SCN9A: variants seen among roughly 807,000 people sequenced by gnomAD.
SCN9A encodes the protein sodium voltage-gated channel alpha subunit 9, also known as sodium channel protein type 9 subunit alpha.
Under a neutral mutation model 187.0 loss-of-function variants are expected in SCN9A, and 131 were observed. The observed-to-expected ratio is 0.70, with a 90% confidence interval of 0.61 to 0.81. The LOEUF (loss-of-function observed/expected upper bound fraction) is 0.81, where lower values mean the gene tolerates loss of function less well. Among genes scored for constraint, SCN9A ranks in the 30% least tolerant of loss-of-function variants. The pLI, the probability that SCN9A is intolerant of heterozygous loss-of-function variation, is 0.00. For synonymous variants in SCN9A, 809 were observed against 808.6 expected (o/e 1.00, Z -0.01); for missense variants, 2,252 against 2,396.6 (o/e 0.94, Z 1.26).
At chr2:166,284,428 C>A (rs1379782334) in intron 12 of SCN9A, 25 bp downstream of exon 12, 19 of 1,578,948 alleles carry the variant, frequency 1.2e-5, no homozygotes, top group Non-Finnish European at 1.5e-5. Flanking sequence ...CCCAGCCATG[C>A]CTGAGCTATG....
At chr2:166,349,697 G>A (rs959713643) in intron 1 of SCN9A, among the ~76,000 whole-genome samples, 7 of 152,152 alleles carry the variant, frequency 4.6e-5, no homozygotes, top group African/African-American at 1.2e-4. Flanking sequence ...CTCAGACCGG[G>A]CATGGTGGCT....
intron 7 of SCN9A, among the ~76,000 whole-genome samples, chr2:166,296,855 T>C (rs113994939): frequency 2.3e-3 from 350 of 152,138 alleles, no homozygotes; most frequent in African/African-American, 8.1e-3. Flanking sequence ...CAAAGAAAAA[T>C]GAAATATTGC....
At chr2:166,247,418 T>C (rs1294455185) in intron 18 of SCN9A, among the ~76,000 whole-genome samples, 1 of 152,164 alleles carries the variant, frequency 6.6e-6, no homozygotes, top group Non-Finnish European at 1.5e-5. Flanking sequence ...TTAGAATTAA[T>C]TATTAGTTAT....
chr2:166,226,582 GT>G lies in SCN9A; in HGVS notation c.4382del (p.Asn1461ThrfsTer14). On this transcript the variant is annotated frameshift_variant, in exon 24 of 27. Coordinates refer to ENST00000642356, the MANE Select transcript of SCN9A (RefSeq NM_001365536.1). LOFTEE classifies it high-confidence loss of function. ...AAATACTTATCTTCTTTTTCTGTTG[GT>G]TGAAATTATCTATGATGACACCAAT... ...LFIGVIIDNF[N>X]QQKKKLGGQD... 1 of 1,547,734 alleles carries G rather than the reference GT, an allele frequency of 6.5e-7. No homozygotes were observed. Among genetic ancestry groups the G allele is most frequent in the Non-Finnish European group, 8.8e-7 (1 of 1,142,180 alleles).
chr2:166,310,417 C>G (rs1339949219), intron 2 of SCN9A, among the ~76,000 whole-genome samples: 2 of 82,108 alleles, frequency 2.4e-5, no homozygotes, highest in Admixed American at 2.1e-4. Context: ...AAAAAACAAA[C>G]AACCCCATCA....
intron 2 of SCN9A, among the ~76,000 whole-genome samples, chr2:166,308,503 C>T (rs1002129669): frequency 6.6e-6 from 1 of 152,154 alleles, no homozygotes; most frequent in South Asian, 2.1e-4. Flanking sequence ...CCTTGCTTCC[C>T]CTTTGCCTTC....
chr2:166,270,738 C>T (rs149560370), intron 17 of SCN9A, among the ~76,000 whole-genome samples: 2,048 of 147,898 alleles, frequency 0.014, 20 homozygotes, highest in Non-Finnish European at 0.019. Flanking sequence ...GATTCTCATG[C>T]CTCAGCCTCC....
chr2:166,352,780 C>T (rs1039520308), intron 1 of SCN9A, among the ~76,000 whole-genome samples: 3 of 152,160 alleles, frequency 2.0e-5, no homozygotes, highest in Non-Finnish European at 2.9e-5. Flanking sequence ...AATTCCAAAT[C>T]AGAGCCTATT....
chr2:166,224,020 T>C (rs1694740027), intron 24 of SCN9A, among the ~76,000 whole-genome samples: 1 of 152,184 alleles, frequency 6.6e-6, no homozygotes, highest in Admixed American at 6.5e-5. Flanking sequence ...TCAGTAACTG[T>C]TTCCTGACTT....
intron 16 of SCN9A, among the ~76,000 whole-genome samples, chr2:166,275,812 G>C (rs1658158874): frequency 6.6e-6 from 1 of 152,202 alleles, no homozygotes; most frequent in Non-Finnish European, 1.5e-5. Context: ...AATTTGTGCT[G>C]CATAAATGCC....
intron 17 of SCN9A, among the ~76,000 whole-genome samples, chr2:166,269,587 C>G (rs545568625): frequency 6.6e-6 from 1 of 152,146 alleles, no homozygotes; most frequent in South Asian, 2.1e-4. Context: ...AGCTTTATAA[C>G]TGTGAATAAA....
At chr2:166,204,295 T>C (rs989910033) in intron 25 of SCN9A, 65 bp downstream of exon 25, 1 of 1,556,818 alleles carries the variant, frequency 6.4e-7, no homozygotes, top group Non-Finnish European at 8.8e-7. Flanking sequence ...ATTAAAGATG[T>C]GCATTAAAAA....
rs74932980 is a variant in SCN9A at position 166,232,206 on chromosome 2, C to T, written c.3924+1134G>A. ...AATTACAGAAAATAGAGTTGTTGTC[C>T]TCCATGTGTGTTACAAAGTTGCTGG... On this transcript the variant is annotated intron_variant, in intron 21 of 26. Transcript: ENST00000642356. Among the ~76,000 whole-genome samples the T allele has an allele frequency of 1.9e-4, 29 of 152,176 alleles. No individual in the cohort carries two copies. The East Asian group carries it at 4.3e-3, about 22-fold the overall frequency.
intron 1 of SCN9A, among the ~76,000 whole-genome samples, chr2:166,374,159 T>C (rs1222074172): frequency 1.3e-5 from 2 of 152,162 alleles, no homozygotes; most frequent in Admixed American, 6.5e-5. Context: ...CTTTCTTCTG[T>C]AGAAGCATCA....
In SCN9A at chr2:166,306,834, G is replaced by C. The variant is rs887443119; in HGVS notation, c.377+122C>G. The C allele has an allele frequency of 9.3e-6, 6 of 648,066 alleles. No individual in the cohort carries two copies. In the African/African-American group the frequency reaches 1.1e-4, roughly 12 times the overall value. 40.1% of individuals were successfully genotyped at this position (648,066 alleles called of 1,614,324 possible). On this transcript the variant is annotated intron_variant, in intron 3 of 26. Transcript: ENST00000642356. ...CATGACAAATTATATTAATAATACT[G>C]AAATTAATAAACTAAAACCAGAGTC... is the stretch of plus-strand genomic sequence containing the variant.
At chr2:166,259,881 A>G (rs1169392683) in intron 17 of SCN9A, among the ~76,000 whole-genome samples, 3 of 151,748 alleles carry the variant, frequency 2.0e-5, no homozygotes, top group Non-Finnish European at 4.4e-5. Context: ...AATTCTTTGG[A>G]AACAACCTGA....
chr2:166,303,415 A>T, intron 6 of SCN9A, 113 bp from the exon 7 acceptor site: 1 of 802,062 alleles, frequency 1.2e-6, no homozygotes, highest in Non-Finnish European at 2.0e-6. Flanking sequence ...ACCTTAAGTA[A>T]CCTAATTCAA....
rs1309168684 is a variant in SCN9A at position 166,222,945 on chromosome 2, C to CAAAAAAAAAAAAAAAAAAAA, written c.4398+3602_4398+3621dup. On this transcript the variant is annotated intron_variant, in intron 24 of 26. Transcript: ENST00000642356. ...AACTCCGTCTCAAAAAAAAAAACAACAAAAAAAAAAAAAAAAAAAAAAAAA... is the reference window on the plus strand; with the variant it reads ...AACTCCGTCTCAAAAAAAAAAACAACAAAAAAAAAAAAAAAAAAAAAAAAAAAAAAAAAAAAAAAAAAAAA... 8.4e-3 allele frequency among the ~76,000 whole-genome samples: 377 copies of CAAAAAAAAAAAAAAAAAAAA among 44,766 alleles called. 24 individuals are homozygous for CAAAAAAAAAAAAAAAAAAAA. Among genetic ancestry groups the CAAAAAAAAAAAAAAAAAAAA allele is most frequent in the Middle Eastern group, 0.075 (3 of 40 alleles). The allele number at this position is 44,766 out of a possible 152,430, so 29.4% of individuals were successfully genotyped here. A position where few individuals can be genotyped will look rare whatever the true frequency, so the allele number is the denominator to read the frequency against.
chr2:166,229,160 C>CA (rs1382755507), intron 21 of SCN9A, among the ~76,000 whole-genome samples, 188 bp from the exon 22 acceptor site: 1 of 151,936 alleles, frequency 6.6e-6, no homozygotes, highest in Non-Finnish European at 1.5e-5. Flanking sequence ...CCAAGCAAGA[C>CA]AAAATAAGAC....
Sources: allele counts gnomAD v4.1 joint callset (sites outside exome capture counted in the v4.1 genomes callset), GRCh38; gene constraint gnomAD v4.1.1; transcripts MANE v1.5; gene names NCBI Gene and HGNC (gene_info 2026-07-23, HGNC 2026-07-21).